PCOLCE2: variants seen among roughly 807,000 people sequenced by gnomAD.
The protein encoded by PCOLCE2 is procollagen C-endopeptidase enhancer 2, also known as procollagen C-proteinase enhancer 2.
In PCOLCE2, 42 loss-of-function variants were observed where a neutral mutation model predicts 47.0. That is an observed-to-expected ratio of 0.89 (90% CI 0.70 to 1.16). The LOEUF (loss-of-function observed/expected upper bound fraction) is 1.16. PCOLCE2 is among the 50% of genes most tolerant of loss of function. The probability of loss-of-function intolerance (pLI) is 0.00; values close to 1 mark genes in which losing one functional copy is unlikely to be tolerated. For missense variants in PCOLCE2, 500 were observed against 526.1 expected, an observed-to-expected ratio of 0.95 and a Z score of 0.49; for synonymous variants, 169 against 191.7, an observed-to-expected ratio of 0.88 and a Z score of 0.98.
intron 2 of PCOLCE2, among the ~76,000 whole-genome samples, chr3:142,877,645 T>TA (rs1008780048): frequency 6.6e-6 from 1 of 152,202 alleles, no homozygotes; most frequent in Non-Finnish European, 1.5e-5. Context: ...CCCAGAAACT[T>TA]AATCACATAC....
intron 5 of PCOLCE2, among the ~76,000 whole-genome samples, chr3:142,832,443 C>G (rs1405133834): frequency 6.6e-6 from 1 of 152,162 alleles, no homozygotes; most frequent in African/African-American, 2.4e-5. Flanking sequence ...ACACACATCT[C>G]TCCCGCGTAT....
intron 6 of PCOLCE2, among the ~76,000 whole-genome samples, chr3:142,829,294 C>G (rs1442511116): frequency 6.7e-6 from 1 of 148,926 alleles, no homozygotes; most frequent in African/African-American, 2.5e-5. Flanking sequence ...AAAAAAAAAC[C>G]AAAAACAAAC....
intron 2 of PCOLCE2, among the ~76,000 whole-genome samples, chr3:142,872,898 G>T (rs1376992100): frequency 6.6e-6 from 1 of 152,110 alleles, no homozygotes; most frequent in African/African-American, 2.4e-5. Flanking sequence ...CAAAAAAAGT[G>T]CTTTTATTTT....
intron 2 of PCOLCE2, among the ~76,000 whole-genome samples, chr3:142,877,859 T>C (rs1372255489): frequency 2.0e-5 from 3 of 152,216 alleles, no homozygotes; most frequent in Non-Finnish European, 4.4e-5. Flanking sequence ...AGGAATGTGA[T>C]TTTTCAATTA....
intron 2 of PCOLCE2, among the ~76,000 whole-genome samples, chr3:142,873,662 T>C (rs562584466): frequency 1.3e-5 from 2 of 152,184 alleles, no homozygotes; most frequent in Non-Finnish European, 2.9e-5. Context: ...TAATGATGTA[T>C]CTGGAATGTT....
chr3:142,851,930 T>G (rs1319514877), intron 2 of PCOLCE2, among the ~76,000 whole-genome samples: 1 of 152,200 alleles, frequency 6.6e-6, no homozygotes, highest in African/African-American at 2.4e-5. Flanking sequence ...CCCAATAAAA[T>G]AAATCATTTG....
intron 7 of PCOLCE2, 76 bp downstream of exon 7, chr3:142,823,456 T>A: frequency 1.2e-6 from 1 of 857,460 alleles, no homozygotes; most frequent in Non-Finnish European, 2.0e-6. Context: ...CATAAATTCA[T>A]AGGAATTCCT....
intron 2 of PCOLCE2, among the ~76,000 whole-genome samples, chr3:142,849,435 G>A (rs1416735917): frequency 6.6e-6 from 1 of 152,040 alleles, no homozygotes; most frequent in Non-Finnish European, 1.5e-5. Context: ...GACACAATGC[G>A]CTAATGAAGA....
chr3:142,862,184 C>G (rs1243618502), intron 2 of PCOLCE2, among the ~76,000 whole-genome samples: 1 of 152,136 alleles, frequency 6.6e-6, no homozygotes, highest in Non-Finnish European at 1.5e-5. Context: ...AGGAGGGAAC[C>G]TGTAGGGTTA....
At chr3:142,879,741 G>A (rs1454653731) in intron 2 of PCOLCE2, among the ~76,000 whole-genome samples, 1 of 152,160 alleles carries the variant, frequency 6.6e-6, no homozygotes, top group South Asian at 2.1e-4. Flanking sequence ...AGGCCGAGGA[G>A]GGCGGATCAC....
At chr3:142,845,812 T>TA (rs1372942398) in intron 3 of PCOLCE2, among the ~76,000 whole-genome samples, 2 of 152,106 alleles carry the variant, frequency 1.3e-5, no homozygotes, top group Admixed American at 6.6e-5. Context: ...CCGTCTCTAC[T>TA]AAAAATAGAA....
intron 5 of PCOLCE2, among the ~76,000 whole-genome samples, chr3:142,836,763 T>C (rs1402103755): frequency 6.6e-6 from 1 of 151,480 alleles, no homozygotes; most frequent in Non-Finnish European, 1.5e-5. Context: ...TTATAGGCTA[T>C]GGGGAAGGAA....
chr3:142,872,059 G>A (rs947984739), intron 2 of PCOLCE2, among the ~76,000 whole-genome samples: 15 of 152,040 alleles, frequency 9.9e-5, no homozygotes, highest in African/African-American at 3.4e-4. Context: ...TTGGCCACGG[G>A]AAGCCCCTAC....
At position 142,829,734 on chromosome 3, in the gene PCOLCE2, T is replaced by G; in HGVS notation, c.823A>C (p.Thr275Pro). Reference sequence around the variant, plus strand: ...GTGGTGGTGACAGGCTGTTCTGTAGTTGTAGGCAGTTTTTTTGGCCTGAAT... The same window carrying G: ...GTGGTGGTGACAGGCTGTTCTGTAGGTGTAGGCAGTTTTTTTGGCCTGAAT... ...YIFRPKKLPT[T>P]TEQPVTTTFP... Residue 275 changes from threonine (T) to proline (P), a missense_variant, in exon 6 of 9, where the codon ACT (threonine) becomes CCT (proline). Coordinates refer to ENST00000295992, the MANE Select transcript of PCOLCE2 (RefSeq NM_013363.4). 1 of 1,609,548 alleles carries G rather than the reference T, an allele frequency of 6.2e-7. No homozygotes were observed. Among genetic ancestry groups the G allele is most frequent in the Non-Finnish European group, 8.5e-7 (1 of 1,177,572 alleles).
chr3:142,880,887 C>T (rs1357584358), intron 2 of PCOLCE2, among the ~76,000 whole-genome samples: 1 of 152,140 alleles, frequency 6.6e-6, no homozygotes, highest in African/African-American at 2.4e-5. Context: ...ACAAGTAAAA[C>T]GGGTCATACT....
At chr3:142,841,709 G>A (rs1022166916) in intron 4 of PCOLCE2, among the ~76,000 whole-genome samples, 1 of 151,950 alleles carries the variant, frequency 6.6e-6, no homozygotes, top group African/African-American at 2.4e-5. Flanking sequence ...AACTTGCATG[G>A]TATATTAGCT....
chr3:142,842,923 C>A lies in PCOLCE2; in HGVS notation c.573+1G>T. On this transcript the variant is annotated splice_donor_variant, in intron 4 of 8. Coordinates refer to ENST00000295992, the MANE Select transcript of PCOLCE2 (RefSeq NM_013363.4). LOFTEE classifies it high-confidence loss of function. This position sits in a 1 kb window ranked among gnomAD's most constrained non-coding sequence, Gnocchi z 4.1. ...TTCTTCACACTTCCAGGGAATCTCA[C>A]CTGATTCTTTGGGGCTACAATGTGC... 6.2e-7 allele frequency: 1 copy of A among 1,613,992 alleles called. No individual in the cohort carries two copies. The highest frequency in any genetic ancestry group is 8.5e-7 in the Non-Finnish European group (1 of 1,179,938).
At chr3:142,880,300 A>C (rs909553424) in intron 2 of PCOLCE2, among the ~76,000 whole-genome samples, 1 of 151,898 alleles carries the variant, frequency 6.6e-6, no homozygotes, top group African/African-American at 2.4e-5. Context: ...TCTAAATCCT[A>C]CGTGCAGTTT....
At chr3:142,839,738 AATGTTGCACATGATAAATATAT>A (rs1351370422) in intron 4 of PCOLCE2, among the ~76,000 whole-genome samples, 2 of 152,262 alleles carry the variant, frequency 1.3e-5, no homozygotes, top group South Asian at 2.1e-4. Context: ...ATCAAAATAT[AATGTTGCACATGATAAATATAT>A]ATGTTGCACA....
Sources: gnomAD v4.1 joint callset for allele counts (sites outside exome capture counted in the v4.1 genomes callset) on GRCh38, gnomAD v4.1.1 for gene constraint, Gnocchi (gnomAD v3.1) non-coding constraint, MANE v1.5 for transcripts, NCBI Gene and HGNC (gene_info 2026-07-23, HGNC 2026-07-21) for gene names.